GZMK: variants seen among roughly 807,000 people sequenced by gnomAD.
GZMK encodes the protein NK-Tryp-2.
A neutral mutation model predicts 22.8 loss-of-function variants in GZMK; 18 were observed. The observed-to-expected ratio is 0.79, with a 90% confidence interval of 0.54 to 1.17. GZMK has a LOEUF of 1.17. Ranked by LOEUF, GZMK falls within the 50% of genes most tolerant of loss-of-function variation. The pLI is 0.00. For synonymous variants in GZMK, 136 were observed against 115.0 expected, an observed-to-expected ratio of 1.18 and a Z score of -1.17; for missense variants, 342 against 320.2, an observed-to-expected ratio of 1.07 and a Z score of -0.52.
Position 55,030,504 on chromosome 5 carries a change from C to G in GZMK, c.283C>G (p.Gln95Glu), listed in dbSNP as rs780679492. The change falls in exon 3 of 5, where the codon CAA becomes GAA. Residue 95 changes from glutamine (Q) to glutamate (E), a missense_variant. Gln to Glu is a conservative substitution (Grantham distance 29). Coordinates refer to ENST00000231009, the MANE Select transcript of GZMK (RefSeq NM_002104.3). ...HSLSKNEASKQTLEIKKFIPF... is the reference protein window; with the variant it reads ...HSLSKNEASKETLEIKKFIPF... ...TCTCTCAAAGAATGAGGCCTCCAAA[C>G]AAACACTGGAGATCAAAAAATTTAT... 6.2e-7 allele frequency: 1 copy of G among 1,612,094 alleles called. No homozygotes were observed. Among genetic ancestry groups the G allele is most frequent in the South Asian group, 1.1e-5 (1 of 91,044 alleles).
Position 55,033,951 on chromosome 5 carries a change from A to G in GZMK, c.*25A>G. On this transcript the variant is annotated 3_prime_UTR_variant, in exon 5 of 5. Transcript: ENST00000231009. Reference sequence around the variant, plus strand: ...AGTTACAAATAATTTTATTGGATGCACTTGCTTCTTTTTTCCTAATATGCT... The same window carrying G: ...AGTTACAAATAATTTTATTGGATGCGCTTGCTTCTTTTTTCCTAATATGCT... The G allele has an allele frequency of 6.3e-7, 1 of 1,591,610 alleles. No homozygotes were observed. The highest frequency in any genetic ancestry group is 8.6e-7 in the Non-Finnish European group (1 of 1,167,528).
Position 55,024,793 on chromosome 5 carries a change from C to T in GZMK, c.198C>T (p.Ala66=), listed in dbSNP as rs1741119172. The change falls in exon 2 of 5, where the codon GCC becomes GCT. Residue 66 remains alanine, a synonymous_variant. Transcript: ENST00000231009. ...ATCCACAGTGGGTGCTGACAGCAGC[C>T]CACTGCCAATATCGGTGAGTCCTCC... ...LIDPQWVLTA[A]HCQYRFTKGQ... 1.9e-6 allele frequency: 3 copies of T among 1,601,528 alleles called. No homozygotes were observed. In the South Asian group the frequency reaches 3.4e-5, roughly 18 times the overall value.
At chr5:55,029,067 T>C (rs540067875) in intron 2 of GZMK, among the ~76,000 whole-genome samples, 1 of 152,234 alleles carries the variant, frequency 6.6e-6, no homozygotes, top group South Asian at 2.1e-4. Context: ...AAATTCCGTC[T>C]TTACTAAAAA....
At chr5:55,027,342 G>A (rs995536700) in intron 2 of GZMK, among the ~76,000 whole-genome samples, 3 of 152,184 alleles carry the variant, frequency 2.0e-5, no homozygotes, top group African/African-American at 7.2e-5. Context: ...TGACAGCCAA[G>A]TTCTTCTCCC....
At chr5:55,028,738 T>C (rs1293183056) in intron 2 of GZMK, among the ~76,000 whole-genome samples, 1 of 152,234 alleles carries the variant, frequency 6.6e-6, no homozygotes, top group African/African-American at 2.4e-5. Flanking sequence ...TTAAAAGATC[T>C]GAGGTGGACT....
At chr5:55,033,047 A>C (rs916941630) in intron 4 of GZMK, among the ~76,000 whole-genome samples, 4 of 152,210 alleles carry the variant, frequency 2.6e-5, no homozygotes, top group African/African-American at 9.7e-5. Context: ...AGCAAAGAGA[A>C]AGGCTGGTCT....
At chr5:55,028,008 A>C (rs1741164920) in intron 2 of GZMK, among the ~76,000 whole-genome samples, 2 of 152,354 alleles carry the variant, frequency 1.3e-5, no homozygotes, top group South Asian at 4.1e-4. Flanking sequence ...ATTACAGTTG[A>C]AGGATATCTA....
chr5:55,029,825 G>A (rs1351107601), intron 2 of GZMK, among the ~76,000 whole-genome samples: 3 of 151,938 alleles, frequency 2.0e-5, no homozygotes, highest in African/African-American at 7.3e-5. Flanking sequence ...CAAGTGGCTG[G>A]GATTACAGGC....
chr5:55,033,372 A>C (rs1741264032), intron 4 of GZMK, among the ~76,000 whole-genome samples: 1 of 152,230 alleles, frequency 6.6e-6, no homozygotes, highest in African/African-American at 2.4e-5. Flanking sequence ...TGAAATCTAC[A>C]ATTTTAAAAG....
rs139852372 is a variant in GZMK, at chr5:55,033,795, G to T, written c.664G>T (p.Gly222Cys). Residue 222 changes from glycine to cysteine, a missense_variant, in exon 5 of 5, where the codon GGT becomes TGT. Gly to Cys is a radical substitution (Grantham distance 159, BLOSUM62 -3). Transcript: ENST00000231009. ...GDSGGPLICKGVFHAIVSGGH... is the reference protein window; with the variant it reads ...GDSGGPLICKCVFHAIVSGGH... ...CTCAGGGGGCCCCTTGATCTGTAAA[G>T]GTGTCTTCCACGCTATAGTCTCTGG... 4.1e-5 allele frequency: 66 copies of T among 1,612,950 alleles called. No individual in the cohort carries two copies. The African/African-American group carries it at 6.8e-4, about 17-fold the overall frequency.
At chr5:55,029,582 G>A (rs1741189238) in intron 2 of GZMK, among the ~76,000 whole-genome samples, 1 of 151,610 alleles carries the variant, frequency 6.6e-6, no homozygotes, top group Admixed American at 6.6e-5. Flanking sequence ...TTGTTTTTAA[G>A]AGATGGGGCC....
At chr5:55,024,449 T>A (rs1190561644) in intron 1 of GZMK, 63 bp downstream of exon 1, 12 of 855,612 alleles carry the variant, frequency 1.4e-5, no homozygotes, top group Non-Finnish European at 2.1e-5. Context: ...TATTGTTATA[T>A]TATAGATGAA....
At position 55,024,373 on chromosome 5, in the gene GZMK, T is replaced by A; in HGVS notation, c.51T>A (p.Tyr17Ter). The stretch of plus-strand genomic sequence containing the variant: ...TGTTTTTCCTAATAGTTGGGGCTTA[T>A]ATGACTCATGTGTGTAAGTATCTCC... ...FSLFFLIVGA[Y>*]MTHVCFNMEI... The change falls in exon 1 of 5, where the codon TAT (tyrosine) becomes TAA (stop). Residue 17 changes from tyrosine (Y) to a stop codon, truncating the protein, a stop_gained. Coordinates refer to ENST00000231009, the MANE Select transcript of GZMK (RefSeq NM_002104.3). LOFTEE classifies it high-confidence loss of function. 1 of 1,462,816 alleles carries A rather than the reference T, an allele frequency of 6.8e-7. No individual in the cohort carries two copies. Among genetic ancestry groups the A allele is most frequent in the South Asian group, 1.1e-5 (1 of 87,548 alleles). The allele number at this position is 1,462,816 out of a possible 1,614,324, so 90.6% of individuals were successfully genotyped here. A position where few individuals can be genotyped will look rare whatever the true frequency, so the allele number is the denominator to read the frequency against.
In GZMK at chr5:55,031,389, A is replaced by C; in HGVS notation, c.389A>C (p.Lys130Thr). The stretch of plus-strand genomic sequence containing the variant: ...CTTCAAACAGCCGCAAAACTCAATA[A>C]ACATGTCAAGATGCTCCACATAAGA... Reference protein sequence around the residue: ...VKLQTAAKLNKHVKMLHIRSK... With the variant: ...VKLQTAAKLNTHVKMLHIRSK... Residue 130 changes from lysine (K) to threonine (T), a missense_variant, in exon 4 of 5, where the codon AAA becomes ACA. Transcript: ENST00000231009. 1 of 1,613,648 alleles carries C rather than the reference A, an allele frequency of 6.2e-7. No individual in the cohort carries two copies. Among genetic ancestry groups the C allele is most frequent in the Non-Finnish European group, 8.5e-7 (1 of 1,179,586 alleles).
intron 1 of GZMK, 54 bp downstream of exon 1, chr5:55,024,440 A>G: frequency 1.1e-6 from 1 of 872,386 alleles, no homozygotes; most frequent in Non-Finnish European, 1.9e-6. Context: ...TACTGACTAT[A>G]TTGTTATATT....
At position 55,030,172 on chromosome 5, in the gene GZMK, C is replaced by T. The variant is rs534429870; in HGVS notation, c.213-262C>T. On this transcript the variant is annotated intron_variant, in intron 2 of 4. Coordinates refer to ENST00000231009, the MANE Select transcript of GZMK (RefSeq NM_002104.3). ...AATTAGGATTTCACTCCTTTTTCTT[C>T]CCCCAGTTGGATACAAGTTCTGATA... Among the ~76,000 whole-genome samples, 4 of 152,148 alleles carry T rather than the reference C, an allele frequency of 2.6e-5. No homozygotes were observed. The South Asian group carries it at 8.3e-4, about 32-fold the overall frequency.
intron 2 of GZMK, among the ~76,000 whole-genome samples, chr5:55,029,553 TG>T (rs1370445035): frequency 3.3e-5 from 5 of 150,468 alleles, no homozygotes; most frequent in African/African-American, 1.2e-4. Flanking sequence ...TTTGTTTGTT[TG>T]TTTGTTTGTT....
At chr5:55,029,555 T>TTTGC (rs1741188540) in intron 2 of GZMK, among the ~76,000 whole-genome samples, 1 of 150,374 alleles carries the variant, frequency 6.7e-6, no homozygotes, top group Non-Finnish European at 1.5e-5. Flanking sequence ...TGTTTGTTTG[T>TTTGC]TTGTTTGTTT....
At position 55,031,637 on chromosome 5, in the gene GZMK, AG is replaced by A. The variant is rs1300481826; in HGVS notation, c.633+5del. On this transcript the variant is annotated splice_donor_5th_base_variant and intron_variant, in intron 4 of 4. Coordinates refer to ENST00000231009, the MANE Select transcript of GZMK (RefSeq NM_002104.3). Reference sequence around the variant, plus strand: ...AGGCCAGAAGGATTCCTGTAAGGTAAGAATCTCTCTTTCAAACAGGCATCTT... The same window carrying A: ...AGGCCAGAAGGATTCCTGTAAGGTAAAATCTCTCTTTCAAACAGGCATCTT... 1 of 1,609,928 alleles carries A rather than the reference AG, an allele frequency of 6.2e-7. No homozygotes were observed. The highest frequency in any genetic ancestry group is 8.5e-7 in the Non-Finnish European group (1 of 1,176,818).
Sources: gnomAD v4.1 joint callset for allele counts (sites outside exome capture counted in the v4.1 genomes callset) on GRCh38, gnomAD v4.1.1 for gene constraint, MANE v1.5 for transcripts, NCBI Gene and HGNC (gene_info 2026-07-23, HGNC 2026-07-21) for gene names.